Variants in UBE3B observed in about 807,000 individuals in gnomAD.
UBE3B encodes ubiquitin-protein ligase E3B.
Under a neutral mutation model 132.3 loss-of-function variants are expected in UBE3B, and 80 were observed. The observed-to-expected ratio is 0.60, with a 90% CI of 0.50 to 0.73. The LOEUF is 0.73. UBE3B is among the 30% of genes least tolerant of loss of function. The pLI, the probability that UBE3B is intolerant of heterozygous loss-of-function variation, is 0.00. For synonymous variants in UBE3B, 487 were observed against 520.4 expected (o/e 0.94, Z 0.87); for missense variants, 1,196 against 1,362.5 (o/e 0.88, Z 1.92).
At chr12:109,547,628 A>G in the UBE3B span, among the ~76,000 whole-genome samples, 1 of 152,160 alleles carries the variant, frequency 6.6e-6, no homozygotes. This position sits in a 1 kb window ranked among gnomAD's most constrained non-coding sequence, Gnocchi z 4.1. Flanking sequence ...AAAATACCCA[A>G]TCACAGAAAT....
Position 109,535,639 on chromosome 12 carries a change from G to C in UBE3B, c.*857G>C, listed in dbSNP as rs562972327. 1 of 152,312 alleles carries C rather than the reference G, an allele frequency of 6.6e-6. No individual in the cohort carries two copies. Among genetic ancestry groups the C allele is most frequent in the African/African-American group, 2.4e-5 (1 of 41,568 alleles). The allele number at this position is 152,312 out of a possible 1,614,324, so 9.4% of individuals were successfully genotyped here. On this transcript the variant is annotated 3_prime_UTR_variant, in exon 28 of 28. Transcript: ENST00000342494. ...TTGACCCTGCTTATTTGTCTCACTG[G>C]TTATCTAATGAGGAACAAACACTAA...
At chr12:109,517,465 A>G (rs1166313858) in intron 19 of UBE3B, among the ~76,000 whole-genome samples, 1 of 152,234 alleles carries the variant, frequency 6.6e-6, no homozygotes, top group Non-Finnish European at 1.5e-5. Flanking sequence ...CCCAGTCCTC[A>G]TATGTCAGAA....
At position 109,477,962 on chromosome 12, in the gene UBE3B, C is replaced by T. The variant is rs1185683013; in HGVS notation, c.-275C>T. ...GCTCTTTCCGCGGCCCTTTCCACCT[C>T]TTTTCACTTTGGGGACGGTAGGCCT... On this transcript the variant is annotated 5_prime_UTR_variant, in exon 1 of 28. Coordinates refer to ENST00000342494, the MANE Select transcript of UBE3B (RefSeq NM_130466.4). 6.5e-6 allele frequency: 1 copy of T among 152,920 alleles called. No homozygotes were observed. Among genetic ancestry groups the T allele is most frequent in the East Asian group, 1.9e-4 (1 of 5,222 alleles). The allele number at this position is 152,920 out of a possible 1,614,324, so 9.5% of individuals were successfully genotyped here.
downstream of UBE3B, among the ~76,000 whole-genome samples, chr12:109,537,068 G>A (rs1378621767): frequency 6.6e-6 from 1 of 151,984 alleles, no homozygotes; most frequent in Non-Finnish European, 1.5e-5. Flanking sequence ...CAGACCAGTC[G>A]CGAACTCAGG....
In UBE3B at chr12:109,521,707, G is replaced by A. The variant is rs1881739492; in HGVS notation, c.2364+156G>A. Among the ~76,000 whole-genome samples the A allele has an allele frequency of 6.6e-6, 1 of 152,214 alleles. No individual in the cohort carries two copies. Among genetic ancestry groups the A allele is most frequent in the African/African-American group, 2.4e-5 (1 of 41,466 alleles). ...GAACCAAGGTTTGTTGTACACCAGTGCTAGGTACTTTGCCTGTGGCATCTC... is the reference window on the plus strand; with the variant it reads ...GAACCAAGGTTTGTTGTACACCAGTACTAGGTACTTTGCCTGTGGCATCTC... On this transcript the variant is annotated intron_variant, in intron 21 of 27. Coordinates refer to ENST00000342494, the MANE Select transcript of UBE3B (RefSeq NM_130466.4). This position sits in a 1 kb window ranked among gnomAD's most constrained non-coding sequence, Gnocchi z 4.2.
rs766321954 is a variant in UBE3B at position 109,490,018 on chromosome 12, GC to G, written c.630+20del. On this transcript the variant is annotated intron_variant, in intron 8 of 27. Transcript: ENST00000342494. ...TCTGTGCTGCAGGTCTGTGACTCCT[GC>G]CCCCCAGTGTGCAACTTCTCCACTC... The G allele has an allele frequency of 4.3e-6, 7 of 1,613,070 alleles. No homozygotes were observed. Among genetic ancestry groups the G allele is most frequent in the African/African-American group, 1.3e-5 (1 of 75,022 alleles).
At chr12:109,507,763 C>G (rs1421529780) in intron 15 of UBE3B, 28 bp downstream of exon 15, 4 of 1,598,760 alleles carry the variant, frequency 2.5e-6, no homozygotes, top group Non-Finnish European at 3.4e-6. Flanking sequence ...GGACTGAATT[C>G]CTTTCCTAGA....
chr12:109,520,034 T>C (rs1881510836), intron 19 of UBE3B: 1 of 152,248 alleles, frequency 6.6e-6, no homozygotes, highest in Admixed American at 6.5e-5. Flanking sequence ...GAGTGGATGC[T>C]GTGGAGACAG....
At chr12:109,481,922 A>G (rs980081673) in intron 2 of UBE3B, among the ~76,000 whole-genome samples, 180 bp downstream of exon 2, 1 of 152,196 alleles carries the variant, frequency 6.6e-6, no homozygotes, top group African/African-American at 2.4e-5. Flanking sequence ...TCCTGTGGTC[A>G]AGTGGGCTCT....
Position 109,485,137 on chromosome 12 carries a change from G to A in UBE3B, c.283-875G>A, listed in dbSNP as rs555313890. Among the ~76,000 whole-genome samples the A allele has an allele frequency of 2.0e-5, 3 of 152,330 alleles. No individual in the cohort carries two copies. In the South Asian group the frequency reaches 6.2e-4, roughly 32 times the overall value. ...ACAAAAGGTGCCAGTTTGCACCTTA[G>A]GGATTAGAATGATCAGCCTGAAAAG... is the stretch of plus-strand genomic sequence containing the variant. On this transcript the variant is annotated intron_variant, in intron 4 of 27. Coordinates refer to ENST00000342494, the MANE Select transcript of UBE3B (RefSeq NM_130466.4).
intron 24 of UBE3B, among the ~76,000 whole-genome samples, chr12:109,527,891 A>G (rs1882529295): frequency 6.6e-6 from 1 of 152,212 alleles, no homozygotes; most frequent in South Asian, 2.1e-4. Context: ...CCATCCTCAG[A>G]TGGGTGACGT....
intron 14 of UBE3B, among the ~76,000 whole-genome samples, chr12:109,504,868 A>G (rs757468470): frequency 5.0e-4 from 75 of 151,186 alleles, no homozygotes; most frequent in Admixed American, 1.6e-3. Flanking sequence ...GCAGTAGCGC[A>G]ATCTCGGCTC....
chr12:109,499,587 A>G lies in UBE3B; in HGVS notation c.941-46A>G, dbSNP rs187779834. The G allele has an allele frequency of 2.1e-3, 3,100 of 1,491,146 alleles. 8 individuals are homozygous for G. The highest frequency in any genetic ancestry group is 2.5e-3 in the Non-Finnish European group (2,748 of 1,112,236). The allele number at this position is 1,491,146 out of a possible 1,614,324, so 92.4% of individuals were successfully genotyped here. A position where few individuals can be genotyped will look rare whatever the true frequency, so the allele number is the denominator to read the frequency against. The stretch of plus-strand genomic sequence containing the variant: ...GCAGGGAGCAGGGCCGGGAGGCACC[A>G]AAATGTTTGTCTGGGCCCATCACAC... On this transcript the variant is annotated intron_variant, in intron 11 of 27. Transcript: ENST00000342494.
intron 23 of UBE3B, 88 bp downstream of exon 23, chr12:109,524,591 C>A: frequency 2.1e-6 from 3 of 1,447,594 alleles, no homozygotes; most frequent in Admixed American, 1.8e-5. Context: ...TCAGAAAGAG[C>A]CCCAAGCTGA....
intron 11 of UBE3B, 64 bp downstream of exon 11, chr12:109,498,417 C>G: frequency 1.3e-6 from 2 of 1,566,798 alleles, no homozygotes; most frequent in Non-Finnish European, 1.7e-6. Context: ...AGTGTTTTGC[C>G]TGTCACTATT....
chr12:109,500,115 C>G (rs1353045807), intron 12 of UBE3B, among the ~76,000 whole-genome samples: 2 of 152,112 alleles, frequency 1.3e-5, no homozygotes, highest in Non-Finnish European at 2.9e-5. Context: ...TGGACCTTAT[C>G]AATGTTTTTT....
intron 8 of UBE3B, 140 bp from the exon 9 acceptor site, chr12:109,490,905 G>A: frequency 9.2e-7 from 1 of 1,086,988 alleles, no homozygotes; most frequent in Non-Finnish European, 1.3e-6. Context: ...CCTGAGCTGG[G>A]ACTGTAGGTA....
At chr12:109,528,621 A>T (rs1882617500) in intron 24 of UBE3B, 1 of 393,500 alleles carries the variant, frequency 2.5e-6, no homozygotes, top group Non-Finnish European at 3.5e-6. Flanking sequence ...TGGGAGGCCA[A>T]GGCAGGTGGA....
chr12:109,509,497 A>G (rs1880093163), intron 15 of UBE3B, 99 bp from the exon 16 acceptor site: 3 of 711,212 alleles, frequency 4.2e-6, no homozygotes, highest in Non-Finnish European at 7.1e-6. Context: ...GATAAAGCTT[A>G]TTTCTCAACC....
Sources: allele counts gnomAD v4.1 joint callset (sites outside exome capture counted in the v4.1 genomes callset), GRCh38; gene constraint gnomAD v4.1.1; non-coding constraint Gnocchi (gnomAD v3.1); transcripts MANE v1.5; gene names NCBI Gene and HGNC (gene_info 2026-07-23, HGNC 2026-07-21).